The following CRIM1 variants were observed in gnomAD, a reference collection of about 807,000 sequenced individuals.
CRIM1 encodes cysteine rich transmembrane BMP regulator 1.
A neutral mutation model predicts 116.4 loss-of-function variants in CRIM1; 32 were observed. The ratio of observed to expected loss-of-function variants is 0.27; its 90% CI spans 0.21 to 0.37. The LOEUF is 0.37. Ranked by LOEUF, CRIM1 falls within the 10% of genes least tolerant of loss-of-function variation. The pLI is 1.00. For synonymous variants in CRIM1, 590 were observed against 509.2 expected (o/e 1.16, Z -2.13); for missense variants, 1,331 against 1,354.8 (o/e 0.98, Z 0.28).
chr2:36,510,928 T>C (rs996477245), intron 9 of CRIM1, among the ~76,000 whole-genome samples: 11 of 148,816 alleles, frequency 7.4e-5, no homozygotes, highest in Admixed American at 1.3e-4. Flanking sequence ...CTTTTCTTTT[T>C]TTTTTTTTTT....
intron 1 of CRIM1, among the ~76,000 whole-genome samples, chr2:36,368,623 T>C (rs1182130863): frequency 6.6e-6 from 1 of 152,216 alleles, no homozygotes; most frequent in Non-Finnish European, 1.5e-5. Flanking sequence ...AGGTACTAGT[T>C]AATTCCCATT....
intron 2 of CRIM1, among the ~76,000 whole-genome samples, chr2:36,433,206 T>G (rs1319474271): frequency 6.6e-6 from 1 of 150,390 alleles, no homozygotes; most frequent in African/African-American, 2.4e-5. Flanking sequence ...GAGTGAGGTC[T>G]AAGTTTCTGC....
rs148600743 is a variant in CRIM1 at position 36,458,460 on chromosome 2, G to A, written c.870-6074G>A. On this transcript the variant is annotated intron_variant, in intron 4 of 16. Transcript: ENST00000280527. ...AGTAAAACAAACTGTTGACCCTTGC[G>A]CTTAGTTATGTAGGGTCTGAAACAT... is the stretch of plus-strand genomic sequence containing the variant. Among the ~76,000 whole-genome samples, 511 of 152,236 alleles carry A rather than the reference G, an allele frequency of 3.4e-3. 7 individuals are homozygous for A. Among genetic ancestry groups the A allele is most frequent in the African/African-American group, 0.011 (475 of 41,544 alleles).
chr2:36,371,776 C>G (rs1265399753), intron 1 of CRIM1, among the ~76,000 whole-genome samples: 1 of 152,072 alleles, frequency 6.6e-6, no homozygotes, highest in African/African-American at 2.4e-5. Context: ...AGGAATTTTC[C>G]TCGTGGGTGG....
Position 36,464,586 on chromosome 2 carries a change from A to C in CRIM1, c.922A>C (p.Thr308Pro). 1 of 1,613,752 alleles carries C rather than the reference A, an allele frequency of 6.2e-7. No individual in the cohort carries two copies. Among genetic ancestry groups the C allele is most frequent in the Non-Finnish European group, 8.5e-7 (1 of 1,179,936 alleles). Residue 308 changes from threonine to proline, a missense_variant, in exon 5 of 17, where the codon ACT becomes CCT. Thr to Pro is a conservative substitution (Grantham distance 38). Transcript: ENST00000280527. ...TTTCCCCGTGTGTGAGGTGGGATCCACTCCCCGCATAGTCTCTCGTGGCGA... is the reference window on the plus strand; with the variant it reads ...TTTCCCCGTGTGTGAGGTGGGATCCCCTCCCCGCATAGTCTCTCGTGGCGA... Reference protein sequence around the residue: ...CGFPVCEVGSTPRIVSRGDGT... With the variant: ...CGFPVCEVGSPPRIVSRGDGT...
intron 1 of CRIM1, among the ~76,000 whole-genome samples, chr2:36,367,754 G>T (rs1426858714): frequency 6.6e-6 from 1 of 152,220 alleles, no homozygotes; most frequent in African/African-American, 2.4e-5. Context: ...TCAAGCGGCA[G>T]TGGAGACAGT....
intron 13 of CRIM1, chr2:36,529,036 C>G: frequency 2.2e-6 from 1 of 462,508 alleles, no homozygotes; most frequent in Non-Finnish European, 4.5e-6. Context: ...TTTAGGTGTG[C>G]TCCGCTCCAG....
At chr2:36,446,351 A>G (rs892744384) in intron 4 of CRIM1, among the ~76,000 whole-genome samples, 3 of 152,324 alleles carry the variant, frequency 2.0e-5, no homozygotes, top group East Asian at 1.9e-4. Flanking sequence ...TCATTCATCT[A>G]TTCATCAAAC....
chr2:36,447,793 A>G, intron 4 of CRIM1, among the ~76,000 whole-genome samples: 1 of 152,186 alleles, frequency 6.6e-6, no homozygotes, highest in East Asian at 1.9e-4. Context: ...ACCAAGATAG[A>G]TGCCCTTTAG....
intron 1 of CRIM1, among the ~76,000 whole-genome samples, chr2:36,357,493 G>A (rs536356023): frequency 2.1e-4 from 32 of 152,258 alleles, no homozygotes; most frequent in Non-Finnish European, 4.7e-4. Flanking sequence ...TAGATTAGTG[G>A]AGTCTTTCTC....
chr2:36,550,438 C>T lies in CRIM1; in HGVS notation c.*1737C>T, dbSNP rs1667688959. 1 of 152,358 alleles carries T rather than the reference C, an allele frequency of 6.6e-6. No individual in the cohort carries two copies. Among genetic ancestry groups the T allele is most frequent in the Non-Finnish European group, 1.5e-5 (1 of 67,978 alleles). The allele number at this position is 152,358 out of a possible 1,614,324, so 9.4% of individuals were successfully genotyped here. A position where few individuals can be genotyped will look rare whatever the true frequency, so the allele number is the denominator to read the frequency against. On this transcript the variant is annotated 3_prime_UTR_variant, in exon 17 of 17. Transcript: ENST00000280527. ...TTTTAAAAATGCTTGTTGTGAAAGA[C>T]ACAGATACCCAGTATGCTTAACGTG...
intron 1 of CRIM1, among the ~76,000 whole-genome samples, chr2:36,373,821 GGGTCATGTGCGTGTCCT>G (rs1198762975): frequency 6.6e-6 from 1 of 152,156 alleles, no homozygotes; most frequent in Admixed American, 6.5e-5. Flanking sequence ...ATTGCTCACA[GGGTCATGTGCGTGTCCT>G]GGTAGTCTGT....
At chr2:36,495,459 C>CT (rs1553323379) in intron 7 of CRIM1, among the ~76,000 whole-genome samples, 5 of 140,972 alleles carry the variant, frequency 3.5e-5, no homozygotes, top group African/African-American at 1.3e-4. Context: ...CCTCAAGCCT[C>CT]TTTATTTATT....
At chr2:36,540,956 A>G (rs1666904091) in intron 14 of CRIM1, among the ~76,000 whole-genome samples, 1 of 152,202 alleles carries the variant, frequency 6.6e-6, no homozygotes, top group South Asian at 2.1e-4. Context: ...CTTCTCAGTT[A>G]AGATTTACTA....
At position 36,442,747 on chromosome 2, in the gene CRIM1, A is replaced by G. The variant is rs879300461; in HGVS notation, c.869+12A>G. On this transcript the variant is annotated intron_variant, in intron 4 of 16. Coordinates refer to ENST00000280527, the MANE Select transcript of CRIM1 (RefSeq NM_016441.3). Reference sequence around the variant, plus strand: ...ACTTTGCCAACAAGGTTAGTTTGCCATTAGTTTGTCAAGTTTTCTCCTCAT... The same window carrying G: ...ACTTTGCCAACAAGGTTAGTTTGCCGTTAGTTTGTCAAGTTTTCTCCTCAT... The G allele has an allele frequency of 7.4e-6, 12 of 1,614,108 alleles. No individual in the cohort carries two copies. Among genetic ancestry groups the G allele is most frequent in the Non-Finnish European group, 8.5e-6 (10 of 1,179,982 alleles).
At chr2:36,497,345 G>T (rs143273642) in intron 7 of CRIM1, among the ~76,000 whole-genome samples, 1 of 152,064 alleles carries the variant, frequency 6.6e-6, no homozygotes, top group Non-Finnish European at 1.5e-5. Flanking sequence ...TGCCTTCTAC[G>T]CTCTCTCATA....
chr2:36,512,489 T>G (rs2125111578), intron 10 of CRIM1, 95 bp downstream of exon 10: 1 of 1,344,974 alleles, frequency 7.4e-7, no homozygotes, highest in South Asian at 1.4e-5. Flanking sequence ...GTTTCGGTGG[T>G]TGCTGCCTAT....
At chr2:36,521,234 G>A (rs1314493974) in intron 12 of CRIM1, among the ~76,000 whole-genome samples, 1 of 152,140 alleles carries the variant, frequency 6.6e-6, no homozygotes, top group South Asian at 2.1e-4. Context: ...GGACTTCCAG[G>A]TCTCAGTCTT....
chr2:36,369,769 G>GC (rs1669828562), intron 1 of CRIM1, among the ~76,000 whole-genome samples: 1 of 152,200 alleles, frequency 6.6e-6, no homozygotes, highest in Non-Finnish European at 1.5e-5. Flanking sequence ...TCAGGGTAGT[G>GC]AACTATTTCT....
Sources: gnomAD v4.1 joint callset for allele counts (sites outside exome capture counted in the v4.1 genomes callset) on GRCh38, gnomAD v4.1.1 for gene constraint, MANE v1.5 for transcripts, NCBI Gene and HGNC (gene_info 2026-07-23, HGNC 2026-07-21) for gene names.